SLC4A9: variants seen among roughly 807,000 people sequenced by gnomAD.
SLC4A9 encodes solute carrier family 4 member 9.
Under a neutral mutation model 103.2 loss-of-function variants are expected in SLC4A9, and 102 were observed. That is an observed-to-expected ratio of 0.99 (90% CI 0.84 to 1.17). SLC4A9 has a LOEUF of 1.17. SLC4A9 is among the 50% of genes most tolerant of loss of function. The pLI, the probability that SLC4A9 is intolerant of heterozygous loss-of-function variation, is 0.00. For missense variants in SLC4A9, 1,091 were observed against 1,193.7 expected (o/e 0.91, Z 1.27); for synonymous variants, 453 against 483.6 (o/e 0.94, Z 0.83).
rs1271840173 is a variant in SLC4A9, at chr5:140,371,110, G to C, written c.2443G>C (p.Val815Leu). 6.2e-7 allele frequency: 1 copy of C among 1,611,658 alleles called. No homozygotes were observed. The highest frequency in any genetic ancestry group is 1.7e-5 in the Admixed American group (1 of 59,692). Residue 815 changes from valine (V) to leucine (L), a missense_variant, in exon 18 of 22, where the codon GTG becomes CTG. Physicochemically the swap from Val to Leu is conservative, Grantham distance 32 (BLOSUM62 1). Transcript: ENST00000506757. ...TTTCTACCAGTTCATTCCAATGCCTGTGCTCTATGGCATCTTCCTGTATAT... is the reference window on the plus strand; with the variant it reads ...TTTCTACCAGTTCATTCCAATGCCTCTGCTCTATGGCATCTTCCTGTATAT... ...APVLKFIPMPVLYGIFLYMGV... is the reference protein window; with the variant it reads ...APVLKFIPMPLLYGIFLYMGV...
Position 140,361,858 on chromosome 5 carries a change from G to C in SLC4A9, c.556G>C (p.Glu186Gln). ...TGACAATGAGGAAGCCCCCCTGAGG[G>C]AACAGGTTTGTGGCCCTTCCTTGGG... ...ASDNEEAPLR[E>Q]QCQNPLRQKL... is the part of the protein sequence containing the mutation. Residue 186 changes from glutamate to glutamine, a missense_variant, in exon 4 of 22, where the codon GAA (glutamate) becomes CAA (glutamine). Transcript: ENST00000506757. 6.2e-7 allele frequency: 1 copy of C among 1,613,980 alleles called. No homozygotes were observed. The highest frequency in any genetic ancestry group is 8.5e-7 in the Non-Finnish European group (1 of 1,179,886).
chr5:140,362,242 A>C (rs1323269699), intron 5 of SLC4A9, 68 bp downstream of exon 5: 7 of 1,432,878 alleles, frequency 4.9e-6, no homozygotes, highest in Non-Finnish European at 5.6e-6. Flanking sequence ...GAGGAGGGGA[A>C]GGAGGGTCTC....
chr5:140,362,315 C>A, intron 5 of SLC4A9, 130 bp from the exon 6 acceptor site: 1 of 1,236,550 alleles, frequency 8.1e-7, no homozygotes, highest in South Asian at 1.4e-5. Context: ...GAGTAGTGGT[C>A]AGGGCTGCAT....
intron 6 of SLC4A9, 46 bp downstream of exon 6, chr5:140,362,578 CTGTG>C (rs145912860): frequency 3.7e-5 from 57 of 1,534,728 alleles, no homozygotes; most frequent in Admixed American, 1.0e-4. Context: ...GCGTGCATGC[CTGTG>C]TGTGTGTGCA....
At chr5:140,368,093 G>A (rs1768168783) in intron 16 of SLC4A9, among the ~76,000 whole-genome samples, 195 bp downstream of exon 16, 1 of 152,172 alleles carries the variant, frequency 6.6e-6, no homozygotes, top group African/African-American at 2.4e-5. Context: ...CATGGGGACT[G>A]GGAGGGGCCT....
At position 140,360,861 on chromosome 5, in the gene SLC4A9, GC is replaced by G; in HGVS notation, c.286del (p.His96ThrfsTer38). On this transcript the variant is annotated frameshift_variant, in exon 2 of 22. Transcript: ENST00000506757. LOFTEE classifies it high-confidence loss of function. ...KLEVAAGRWS[A>X]PHVPTLALPS... Reference sequence around the variant, plus strand: ...GGAGGTGGCTGCAGGCCGGTGGAGTGCCCCCCACGTGCCCACCCTGGCACTG... The same window carrying G: ...GGAGGTGGCTGCAGGCCGGTGGAGTGCCCCCACGTGCCCACCCTGGCACTG... 1 of 1,612,788 alleles carries G rather than the reference GC, an allele frequency of 6.2e-7. No homozygotes were observed. Among genetic ancestry groups the G allele is most frequent in the Non-Finnish European group, 8.5e-7 (1 of 1,179,676 alleles).
intron 17 of SLC4A9, among the ~76,000 whole-genome samples, chr5:140,368,903 G>A (rs768811918): frequency 1.7e-4 from 26 of 152,216 alleles, no homozygotes; most frequent in Non-Finnish European, 3.5e-4. Context: ...TTTCAGATCT[G>A]TCTGAGAACT....
intron 6 of SLC4A9, 131 bp downstream of exon 6, chr5:140,362,663 A>T: frequency 9.5e-7 from 1 of 1,051,756 alleles, no homozygotes; most frequent in Non-Finnish European, 1.4e-6. Context: ...AAATACAGCA[A>T]TGAGGCACAG....
Position 140,367,877 on chromosome 5 carries a change from G to C in SLC4A9, c.2333G>C (p.Arg778Pro), listed in dbSNP as rs748933786. 6.2e-7 allele frequency: 1 copy of C among 1,613,740 alleles called. No homozygotes were observed. The highest frequency in any genetic ancestry group is 8.5e-7 in the Non-Finnish European group (1 of 1,179,796). The change falls in exon 16 of 22, where the codon CGC becomes CCC. Residue 778 changes from arginine (R) to proline (P), a missense_variant. Coordinates refer to ENST00000506757, the MANE Select transcript of SLC4A9 (RefSeq NM_031467.3). ...RESRACAPGE[R>P]PNFLGIREQR... ...AGCAGAGCCTGTGCCCCCGGGGAGC[G>C]CCCCAACTTCCTGGGTATCAGGTGA...
intron 15 of SLC4A9, 68 bp downstream of exon 15, chr5:140,367,649 T>C: frequency 6.2e-7 from 1 of 1,604,138 alleles, no homozygotes; most frequent in Non-Finnish European, 8.5e-7. Flanking sequence ...GCTCCTCCTC[T>C]CCTACCTCAG....
intron 17 of SLC4A9, 131 bp downstream of exon 17, chr5:140,368,790 T>A: frequency 1.5e-6 from 1 of 665,530 alleles, no homozygotes; most frequent in Non-Finnish European, 2.5e-6. Flanking sequence ...TGGTCTCATT[T>A]AATCCTCACA....
Position 140,361,407 on chromosome 5 carries a change from G to T in SLC4A9, c.505+40G>T, listed in dbSNP as rs1487302367. The stretch of plus-strand genomic sequence containing the variant: ...CTGGGCCCAGGACCAAGACCCTGGT[G>T]TGGCAGGGTCTCAGATCTCCCCTGC... On this transcript the variant is annotated intron_variant, in intron 3 of 21. Transcript: ENST00000506757. 3.4e-6 allele frequency: 5 copies of T among 1,477,882 alleles called. No homozygotes were observed. In the African/African-American group the frequency reaches 7.0e-5, roughly 21 times the overall value. 91.5% of individuals were successfully genotyped at this position (1,477,882 alleles called of 1,614,324 possible).
At chr5:140,361,727 G>A (rs2126741675) in intron 3 of SLC4A9, 81 bp from the exon 4 acceptor site, 2 of 1,497,704 alleles carry the variant, frequency 1.3e-6, no homozygotes, top group East Asian at 4.5e-5. Context: ...CAGCTTGTCA[G>A]TGGCAAAAGT....
chr5:140,360,621 C>A (rs948526596), intron 1 of SLC4A9, 155 bp downstream of exon 1: 6 of 1,122,174 alleles, frequency 5.3e-6, no homozygotes, highest in Non-Finnish European at 7.6e-6. Context: ...TGATGCCCAG[C>A]CTCCTCTGCA....
chr5:140,374,221 T>C (rs1769155944), intron 21 of SLC4A9, among the ~76,000 whole-genome samples: 1 of 149,914 alleles, frequency 6.7e-6, no homozygotes, highest in African/African-American at 2.5e-5. Flanking sequence ...ATCTCTCTTT[T>C]AGGCCATAGA....
At chr5:140,365,809 C>G in intron 12 of SLC4A9, 25 bp from the exon 13 acceptor site, 1 of 1,604,766 alleles carries the variant, frequency 6.2e-7, no homozygotes. Flanking sequence ...GCCTATAACT[C>G]CACTCCTGAC....
At chr5:140,360,598 G>A (rs1242453317) in intron 1 of SLC4A9, 132 bp downstream of exon 1, 3 of 1,138,310 alleles carry the variant, frequency 2.6e-6, no homozygotes, top group South Asian at 3.1e-5. Context: ...TTATTTCAGG[G>A]TCTTACCTTC....
chr5:140,360,504 C>A, intron 1 of SLC4A9, 38 bp downstream of exon 1: 1 of 1,524,318 alleles, frequency 6.6e-7, no homozygotes, highest in South Asian at 1.2e-5. Flanking sequence ...GGATCCTTCC[C>A]CTTCCCCAGC....
rs1286452247 is a variant in SLC4A9 at position 140,361,861 on chromosome 5, C to G, written c.559C>G (p.Gln187Glu). Residue 187 changes from glutamine (Q) to glutamate (E), a missense_variant and splice_region_variant, in exon 4 of 22, where the codon CAG becomes GAG. By Grantham distance (29) the Gln-to-Glu change is conservative (BLOSUM62 2). Transcript: ENST00000506757. ...CAATGAGGAAGCCCCCCTGAGGGAACAGGTTTGTGGCCCTTCCTTGGGGTC... is the reference window on the plus strand; with the variant it reads ...CAATGAGGAAGCCCCCCTGAGGGAAGAGGTTTGTGGCCCTTCCTTGGGGTC... ...SDNEEAPLRE[Q>E]CQNPLRQKLP... 12 of 1,613,840 alleles carry G rather than the reference C, an allele frequency of 7.4e-6. No individual in the cohort carries two copies. The highest frequency in any genetic ancestry group is 1.0e-5 in the Non-Finnish European group (12 of 1,179,870).
Sources: allele counts gnomAD v4.1 joint callset (sites outside exome capture counted in the v4.1 genomes callset), GRCh38; gene constraint gnomAD v4.1.1; transcripts MANE v1.5; gene names NCBI Gene and HGNC (gene_info 2026-07-23, HGNC 2026-07-21).